The following GBP3 variants were observed in gnomAD, a reference collection of about 807,000 sequenced individuals.
The protein encoded by GBP3 is guanylate-binding protein 3.
Under a neutral mutation model 62.4 loss-of-function variants are expected in GBP3, and 55 were observed. The ratio of observed to expected loss-of-function variants is 0.88; its 90% CI spans 0.71 to 1.10. The LOEUF (loss-of-function observed/expected upper bound fraction) is 1.10, where lower values mean the gene tolerates loss of function less well. GBP3 is among the 50% of genes least tolerant of loss of function. GBP3 has a pLI of 0.00. For synonymous variants in GBP3, 208 were observed against 259.2 expected (o/e 0.80, Z 1.90); for missense variants, 605 against 690.6 (o/e 0.88, Z 1.39).
rs1679129855 is a variant in GBP3 at position 89,020,551 on chromosome 1, C to G, written c.171G>C (p.Lys57Asn). 6.2e-7 allele frequency: 1 copy of G among 1,614,028 alleles called. No individual in the cohort carries two copies. The highest frequency in any genetic ancestry group is 8.5e-7 in the Non-Finnish European group (1 of 1,180,014). The part of the protein sequence containing the change: ...YRTGKSYLMN[K>N]LAGKNKGFSL... ...ACTCACCCTTATTCTTCCCAGCTAG[C>G]TTGTTCATCAGGTAGGATTTTCCTG... The change falls in exon 2 of 11, where the codon AAG becomes AAC. Residue 57 changes from lysine to asparagine, a missense_variant. Around this residue, in one of 3 missense-constraint regions of GBP3, gnomAD observed 308 missense variants for 318.0 expected, o/e 0.97. Coordinates refer to ENST00000370481, the MANE Select transcript of GBP3 (RefSeq NM_018284.3).
intron 2 of GBP3, 126 bp downstream of exon 2, chr1:89,020,406 G>A (rs772537019): frequency 1.9e-6 from 2 of 1,076,020 alleles, no homozygotes; most frequent in Non-Finnish European, 1.4e-6. Flanking sequence ...AAGATAAGGA[G>A]CCCAACTGTG....
chr1:89,007,463 G>C lies in GBP3; in HGVS notation c.*261C>G. On this transcript the variant is annotated 3_prime_UTR_variant, in exon 11 of 11. Coordinates refer to ENST00000370481, the MANE Select transcript of GBP3 (RefSeq NM_018284.3). Reference sequence around the variant, plus strand: ...CTAAGACTTTCCTCAGTATCCACTGGTCGTCTGGAAGAATAAACTTCTGAG... The same window carrying C: ...CTAAGACTTTCCTCAGTATCCACTGCTCGTCTGGAAGAATAAACTTCTGAG... 1 of 334,584 alleles carries C rather than the reference G, an allele frequency of 3.0e-6. No homozygotes were observed. Among genetic ancestry groups the C allele is most frequent in the Non-Finnish European group, 5.5e-6 (1 of 182,666 alleles). The allele number at this position is 334,584 out of a possible 1,614,324, so 20.7% of individuals were successfully genotyped here. A position where few individuals can be genotyped will look rare whatever the true frequency, so the allele number is the denominator to read the frequency against.
intron 4 of GBP3, 110 bp from the exon 5 acceptor site, chr1:89,014,389 A>G (rs1242350206): frequency 1.1e-5 from 17 of 1,595,730 alleles, no homozygotes; most frequent in Admixed American, 3.5e-5. Flanking sequence ...CTAAGTGTCA[A>G]TTCTAAAGTG....
chr1:89,020,204 A>G, intron 2 of GBP3: 1 of 410,886 alleles, frequency 2.4e-6, no homozygotes, highest in Non-Finnish European at 4.8e-6. Flanking sequence ...TTGCCACTGT[A>G]CTCCAGCCTG....
At chr1:89,013,643 G>A in intron 5 of GBP3, 1 of 553,996 alleles carries the variant, frequency 1.8e-6, no homozygotes, top group South Asian at 2.4e-5. Flanking sequence ...AGGCAGAATT[G>A]GCCATCATTT....
At chr1:89,015,972 A>G (rs1460735894) in intron 2 of GBP3, among the ~76,000 whole-genome samples, 1 of 152,178 alleles carries the variant, frequency 6.6e-6, no homozygotes, top group Admixed American at 6.5e-5. Context: ...GGAAACAGAA[A>G]GCATCTAAAT....
At chr1:89,011,197 G>A (rs950663971) in intron 7 of GBP3, 81 bp from the exon 8 acceptor site, 9 of 1,424,002 alleles carry the variant, frequency 6.3e-6, no homozygotes, top group Admixed American at 5.5e-5. Context: ...AAAGACTTCC[G>A]AAAATAAACA....
intron 5 of GBP3, chr1:89,013,824 A>G: frequency 4.4e-6 from 2 of 459,150 alleles, no homozygotes; most frequent in Admixed American, 7.9e-5. Context: ...AAAATGAAAG[A>G]AAAAGAAACT....
At chr1:89,020,437 C>T in intron 2 of GBP3, 95 bp downstream of exon 2, 1 of 1,436,660 alleles carries the variant, frequency 7.0e-7, no homozygotes, top group Non-Finnish European at 9.8e-7. Context: ...TAGCTTATTC[C>T]CAGTGCCAGC....
At chr1:89,013,766 C>T (rs1036749005) in intron 5 of GBP3, 12 of 400,200 alleles carry the variant, frequency 3.0e-5, no homozygotes, top group African/African-American at 4.1e-5. Flanking sequence ...TACAGAATCA[C>T]GAACCCTACA....
chr1:89,013,798 A>C (rs1389027672), intron 5 of GBP3: 1 of 429,218 alleles, frequency 2.3e-6, no homozygotes, highest in Non-Finnish European at 4.1e-6. Flanking sequence ...AATTTACCTA[A>C]ATTGTAAAAT....
chr1:89,008,789 T>G (rs1678381305), intron 10 of GBP3, 158 bp downstream of exon 10: 2 of 1,380,472 alleles, frequency 1.4e-6, no homozygotes, highest in Non-Finnish European at 9.6e-7. Flanking sequence ...ATGTAGGCAG[T>G]GGCCATTTCA....
Position 89,007,160 on chromosome 1 carries a change from C to G in GBP3, c.*564G>C, listed in dbSNP as rs1678260555. 6.6e-6 allele frequency: 1 copy of G among 152,192 alleles called. No individual in the cohort carries two copies. Among genetic ancestry groups the G allele is most frequent in the South Asian group, 2.1e-4 (1 of 4,838 alleles). 9.4% of individuals were successfully genotyped at this position (152,192 alleles called of 1,614,324 possible). ...TTCATTAGCCAATTTGTTTATGATT[C>G]AATTCCTACTCTTGCTAATGATTTC... On this transcript the variant is annotated 3_prime_UTR_variant, in exon 11 of 11. Transcript: ENST00000370481.
At chr1:89,020,421 G>C in intron 2 of GBP3, 111 bp downstream of exon 2, 2 of 1,284,744 alleles carry the variant, frequency 1.6e-6, no homozygotes, top group Non-Finnish European at 2.2e-6. Context: ...ACTGTGAATG[G>C]AAAGTTAGCT....
intron 2 of GBP3, among the ~76,000 whole-genome samples, chr1:89,019,487 C>T (rs977862589): frequency 2.0e-5 from 3 of 152,178 alleles, no homozygotes; most frequent in Admixed American, 2.0e-4. Flanking sequence ...GGGGTTTCTC[C>T]ATGTTGGTCA....
In GBP3 at chr1:89,022,677, T is replaced by C. The variant is rs139388791; in HGVS notation, c.-23+7A>G. ...AGAGCTGGAGAGGAAGCAATAGGAG[T>C]TCTTACCTGTGCTTTTATCTTCAGT... On this transcript the variant is annotated splice_region_variant and intron_variant, in intron 1 of 10. Transcript: ENST00000370481. 77 of 152,324 alleles carry C rather than the reference T, an allele frequency of 5.1e-4. No individual in the cohort carries two copies. The highest frequency in any genetic ancestry group is 1.7e-3 in the African/African-American group (71 of 41,572). The allele number at this position is 152,324 out of a possible 1,614,324, so 9.4% of individuals were successfully genotyped here.
rs551154999 is a variant in GBP3 at position 89,006,952 on chromosome 1, C to G, written c.*772G>C. On this transcript the variant is annotated 3_prime_UTR_variant, in exon 11 of 11. Transcript: ENST00000370481. Reference sequence around the variant, plus strand: ...AAACAATCAAATAATTAAATTAGTTCAATTTTCTAACATAGTCTCTATCTT... The same window carrying G: ...AAACAATCAAATAATTAAATTAGTTGAATTTTCTAACATAGTCTCTATCTT... 3 of 152,260 alleles carry G rather than the reference C, an allele frequency of 2.0e-5. No individual in the cohort carries two copies. In the East Asian group the frequency reaches 5.8e-4, roughly 29 times the overall value. 9.4% of individuals were successfully genotyped at this position (152,260 alleles called of 1,614,324 possible).
chr1:89,021,296 G>A (rs1016764826), intron 1 of GBP3, among the ~76,000 whole-genome samples: 5 of 152,114 alleles, frequency 3.3e-5, no homozygotes, highest in Admixed American at 3.3e-4. Context: ...TGGAACCAAT[G>A]TAACATACTT....
rs760939883 is a variant in GBP3, at chr1:89,009,477, C to T, written c.1380G>A (p.Gln460=). ...RKGIQAEEIL[Q]TYLKSKESVT... Reference sequence around the variant, plus strand: ...CAGACTCCTTGGATTTCAAGTATGTCTGCAGAATCTCTTCAGCCTTAGGAC... The same window carrying T: ...CAGACTCCTTGGATTTCAAGTATGTTTGCAGAATCTCTTCAGCCTTAGGAC... Residue 460 remains glutamine (Q), a synonymous_variant, in exon 9 of 11, where the codon CAG becomes CAA. Coordinates refer to ENST00000370481, the MANE Select transcript of GBP3 (RefSeq NM_018284.3). 6.2e-7 allele frequency: 1 copy of T among 1,614,130 alleles called. No homozygotes were observed. Among genetic ancestry groups the T allele is most frequent in the South Asian group, 1.1e-5 (1 of 91,080 alleles).
Sources: allele counts gnomAD v4.1 joint callset (sites outside exome capture counted in the v4.1 genomes callset), GRCh38; gene constraint gnomAD v4.1.1; regional missense constraint gnomAD v4.1.1; transcripts MANE v1.5; gene names NCBI Gene and HGNC (gene_info 2026-07-23, HGNC 2026-07-21).